The following TMC1 variants were observed in gnomAD, a reference collection of about 807,000 sequenced individuals.
TMC1 encodes the protein transmembrane channel like 1, also known as transmembrane channel-like protein 1.
Under a neutral mutation model 105.8 loss-of-function variants are expected in TMC1, and 84 were observed. The ratio of observed to expected loss-of-function variants is 0.79; its 90% CI spans 0.67 to 0.95. TMC1 has a LOEUF of 0.95. TMC1 is among the 40% of genes least tolerant of loss of function. The probability of loss-of-function intolerance (pLI) is 0.00; values close to 1 mark genes in which losing one functional copy is unlikely to be tolerated. For synonymous variants in TMC1, 315 were observed against 311.5 expected, an observed-to-expected ratio of 1.01 and a Z score of -0.12; for missense variants, 817 against 914.1, an observed-to-expected ratio of 0.89 and a Z score of 1.37.
At chr9:72,758,852 A>G (rs1827710885) in intron 12 of TMC1, among the ~76,000 whole-genome samples, 1 of 152,146 alleles carries the variant, frequency 6.6e-6, no homozygotes, top group African/African-American at 2.4e-5. Context: ...AAGTACTTAT[A>G]TGGGCAGGCA....
chr9:72,738,055 T>G (rs1827328646), intron 8 of TMC1, among the ~76,000 whole-genome samples: 1 of 152,222 alleles, frequency 6.6e-6, no homozygotes, highest in Admixed American at 6.5e-5. Flanking sequence ...TGTCTACATC[T>G]ACCCCAAACT....
intron 2 of TMC1, among the ~76,000 whole-genome samples, chr9:72,580,061 A>G (rs1363953883): frequency 6.6e-6 from 1 of 152,210 alleles, no homozygotes; most frequent in Admixed American, 6.5e-5. Context: ...CAGCTTTGCT[A>G]TTTAAAAGAG....
chr9:72,652,481 T>G (rs965397053), intron 5 of TMC1, among the ~76,000 whole-genome samples: 1 of 151,862 alleles, frequency 6.6e-6, no homozygotes, highest in Non-Finnish European at 1.5e-5. Flanking sequence ...GATAAGCCCA[T>G]GGAAGAAACA....
chr9:72,551,208 C>T (rs1416760476), intron 1 of TMC1, among the ~76,000 whole-genome samples: 1 of 152,196 alleles, frequency 6.6e-6, no homozygotes, highest in African/African-American at 2.4e-5. Flanking sequence ...TGATTTTGAA[C>T]TTCTGACTTC....
intron 23 of TMC1, 83 bp downstream of exon 23, chr9:72,830,765 C>A: frequency 8.4e-7 from 1 of 1,194,546 alleles, no homozygotes; most frequent in Non-Finnish European, 1.2e-6. Context: ...GCTTTTTCTC[C>A]ATTGGATGGT....
chr9:72,802,227 CTACATACA>C (rs563960605), intron 17 of TMC1, among the ~76,000 whole-genome samples: 2 of 149,296 alleles, frequency 1.3e-5, no homozygotes, highest in African/African-American at 5.1e-5. Context: ...ACCCCTGTCT[CTACATACA>C]TACATACATA....
At chr9:72,662,352 A>ATTTTTT (rs11378166) in intron 5 of TMC1, among the ~76,000 whole-genome samples, 1 of 138,684 alleles carries the variant, frequency 7.2e-6, no homozygotes. Flanking sequence ...ACACTCAGCA[A>ATTTTTT]TTTTTTTTTT....
At chr9:72,565,653 T>G (rs1237520287) in intron 1 of TMC1, among the ~76,000 whole-genome samples, 3 of 152,098 alleles carry the variant, frequency 2.0e-5, no homozygotes, top group African/African-American at 7.2e-5. Flanking sequence ...AGACGGTAAT[T>G]TATAAAGAAA....
At chr9:72,741,428 C>T (rs1237223374) in intron 9 of TMC1, 1 of 428,924 alleles carries the variant, frequency 2.3e-6, no homozygotes, top group Non-Finnish European at 4.4e-6. Flanking sequence ...GAGTAGACTC[C>T]TTTTGAATGT....
intron 4 of TMC1, among the ~76,000 whole-genome samples, chr9:72,638,766 G>C (rs888540461): frequency 6.6e-6 from 1 of 152,162 alleles, no homozygotes; most frequent in Non-Finnish European, 1.5e-5. Flanking sequence ...AGGTCACAGA[G>C]CTACTATGTG....
rs949798960 is a variant in TMC1, at chr9:72,796,160, T to G, written c.1566+3808T>G. ...CAAGAAGACCTAACTATCCTAAATA[T>G]ATATGCACTCAATACAAGAGTACCC... On this transcript the variant is annotated intron_variant, in intron 17 of 23. Coordinates refer to ENST00000297784, the MANE Select transcript of TMC1 (RefSeq NM_138691.3). Among the ~76,000 whole-genome samples the G allele has an allele frequency of 9.2e-5, 14 of 152,244 alleles. No individual in the cohort carries two copies. The South Asian group carries it at 2.9e-3, about 32-fold the overall frequency.
chr9:72,749,274 G>A (rs1422736468), intron 10 of TMC1, among the ~76,000 whole-genome samples: 1 of 152,202 alleles, frequency 6.6e-6, no homozygotes, highest in African/African-American at 2.4e-5. Context: ...TGGTGGGTTA[G>A]TATCCTATAT....
intron 8 of TMC1, among the ~76,000 whole-genome samples, chr9:72,712,622 C>A (rs1456911781): frequency 1.3e-5 from 2 of 152,054 alleles, no homozygotes; most frequent in African/African-American, 4.8e-5. Flanking sequence ...GATTTTGTAT[C>A]CTGAGACTTT....
Position 72,835,958 on chromosome 9 carries a change from T to A in TMC1, c.2268T>A (p.Ala756=). The A allele has an allele frequency of 1.5e-6, 2 of 1,363,066 alleles. No individual in the cohort carries two copies. Among genetic ancestry groups the A allele is most frequent in the Non-Finnish European group, 2.1e-6 (2 of 973,788 alleles). 84.4% of individuals were successfully genotyped at this position (1,363,066 alleles called of 1,614,324 possible). A position where few individuals can be genotyped will look rare whatever the true frequency, so the allele number is the denominator to read the frequency against. The change falls in exon 24 of 24, where the codon GCT becomes GCA. Residue 756 remains alanine, a synonymous_variant. Coordinates refer to ENST00000297784, the MANE Select transcript of TMC1 (RefSeq NM_138691.3). The part of the protein sequence containing the change: ...KKMAAARAAA[A]AGRQ ...TTTCTGTTTTGTGAACAGCTGCAGC[T>A]GCTGGTCGCCAGTAATAAGTATCCT...
chr9:72,627,815 T>C, intron 3 of TMC1, 106 bp from the exon 4 acceptor site: 1 of 341,316 alleles, frequency 2.9e-6, no homozygotes, highest in Non-Finnish European at 5.8e-6. Context: ...AATACCATCA[T>C]AGAATATATT....
intron 1 of TMC1, among the ~76,000 whole-genome samples, chr9:72,538,417 G>GTATTA (rs1564396943): frequency 6.6e-6 from 1 of 151,414 alleles, no homozygotes; most frequent in Admixed American, 6.6e-5. Flanking sequence ...GTATTGTATT[G>GTATTA]TATTGTATTG....
At chr9:72,663,900 T>C (rs553036450) in intron 5 of TMC1, among the ~76,000 whole-genome samples, 5 of 152,286 alleles carry the variant, frequency 3.3e-5, no homozygotes, top group South Asian at 4.1e-4. Context: ...CCTTTAAACT[T>C]TTTAATTTAA....
rs1829144193 is a variant in TMC1, at chr9:72,837,498, T to C, written c.*1525T>C. The C allele has an allele frequency of 6.6e-6, 1 of 152,216 alleles. No homozygotes were observed. Among genetic ancestry groups the C allele is most frequent in the South Asian group, 2.1e-4 (1 of 4,832 alleles). The allele number at this position is 152,216 out of a possible 1,614,324, so 9.4% of individuals were successfully genotyped here. On this transcript the variant is annotated 3_prime_UTR_variant, in exon 24 of 24. Transcript: ENST00000297784. ...ACTCTAACAATCATATCCTGTAAGCTTGGATTCTAATGTTCTATAATTTTT... is the reference window on the plus strand; with the variant it reads ...ACTCTAACAATCATATCCTGTAAGCCTGGATTCTAATGTTCTATAATTTTT...
At chr9:72,693,034 C>T (rs1215793775) in intron 6 of TMC1, among the ~76,000 whole-genome samples, 7 of 150,968 alleles carry the variant, frequency 4.6e-5, no homozygotes, top group Admixed American at 1.3e-4. Context: ...ACAAGAGAAT[C>T]GTTTGAACTC....
Sources: gnomAD v4.1 joint callset for allele counts (sites outside exome capture counted in the v4.1 genomes callset) on GRCh38, gnomAD v4.1.1 for gene constraint, MANE v1.5 for transcripts, NCBI Gene and HGNC (gene_info 2026-07-23, HGNC 2026-07-21) for gene names.